GALK2: variants seen among roughly 807,000 people sequenced by gnomAD.
GALK2 encodes galactokinase 2.
In GALK2, 36 loss-of-function variants were observed where a neutral mutation model predicts 52.4. That is an observed-to-expected ratio of 0.69 (90% CI 0.53 to 0.91). The LOEUF (loss-of-function observed/expected upper bound fraction) is 0.91, where lower values mean the gene tolerates loss of function less well. Ranked by LOEUF, GALK2 falls within the 40% of genes least tolerant of loss-of-function variation. GALK2 has a pLI of 0.00. For synonymous variants in GALK2, 176 were observed against 199.1 expected, an observed-to-expected ratio of 0.88 and a Z score of 0.98; for missense variants, 579 against 559.1, an observed-to-expected ratio of 1.04 and a Z score of -0.36.
intron 5 of GALK2, 56 bp downstream of exon 5, chr15:49,239,423 C>G: frequency 2.0e-6 from 3 of 1,521,882 alleles, no homozygotes; most frequent in Non-Finnish European, 2.7e-6. Flanking sequence ...TCATTAGCAT[C>G]CAAATCTCAA....
chr15:49,301,038 G>T (rs1217460165), intron 8 of GALK2, among the ~76,000 whole-genome samples: 1 of 152,066 alleles, frequency 6.6e-6, no homozygotes, highest in Non-Finnish European at 1.5e-5. Context: ...GGCTTTGCTT[G>T]TCTGAAAAGG....
intron 1 of GALK2, among the ~76,000 whole-genome samples, chr15:49,176,563 T>C (rs910896171): frequency 5.9e-5 from 9 of 152,220 alleles, no homozygotes; most frequent in Non-Finnish European, 1.2e-4. Context: ...ATTTGTTTCT[T>C]ATTTGGATTT....
At chr15:49,277,226 T>C (rs1333171622) in intron 5 of GALK2, among the ~76,000 whole-genome samples, 1 of 110,756 alleles carries the variant, frequency 9.0e-6, no homozygotes, top group Non-Finnish European at 1.8e-5. Flanking sequence ...TGGAGTGCAG[T>C]GGCGGGATCT....
intron 2 of GALK2, among the ~76,000 whole-genome samples, chr15:49,206,670 T>C (rs1260786041): frequency 1.3e-5 from 2 of 152,178 alleles, no homozygotes; most frequent in African/African-American, 4.8e-5. Context: ...AAGAGCTATA[T>C]TTGTGTACAT....
At chr15:49,263,665 C>T (rs1205150300) in intron 5 of GALK2, among the ~76,000 whole-genome samples, 3 of 128,140 alleles carry the variant, frequency 2.3e-5, no homozygotes, top group South Asian at 2.9e-4. Context: ...TTCCTAGTCT[C>T]GATGGTCTTT....
intron 5 of GALK2, among the ~76,000 whole-genome samples, chr15:49,277,989 G>A (rs1487000295): frequency 1.3e-5 from 2 of 151,928 alleles, no homozygotes; most frequent in African/African-American, 4.8e-5. Context: ...AGGGCTGGGT[G>A]CGGTGGCTCA....
At chr15:49,272,464 G>A (rs926395012) in intron 5 of GALK2, among the ~76,000 whole-genome samples, 2 of 152,196 alleles carry the variant, frequency 1.3e-5, no homozygotes, top group African/African-American at 4.8e-5. Context: ...TTAAGTTGCA[G>A]ATTCTGATTC....
chr15:49,228,300 TA>T (rs1251256562), intron 3 of GALK2, among the ~76,000 whole-genome samples: 1 of 152,118 alleles, frequency 6.6e-6, no homozygotes, highest in Non-Finnish European at 1.5e-5. Flanking sequence ...ATTATTTTGT[TA>T]AGTAGGTTTT....
Position 49,328,712 on chromosome 15 carries a change from T to A in GALK2, c.*553T>A. ...ATACATGATTAAAGTTTCACAGATC[T>A]TCTTGGACATTGTATAATTGAATTT... On this transcript the variant is annotated 3_prime_UTR_variant, in exon 10 of 10. Transcript: ENST00000560031. 2 of 1,545,222 alleles carry A rather than the reference T, an allele frequency of 1.3e-6. No homozygotes were observed. The highest frequency in any genetic ancestry group is 2.4e-5 in the South Asian group (2 of 82,912).
At chr15:49,173,488 C>A (rs905943674) in intron 1 of GALK2, among the ~76,000 whole-genome samples, 4 of 152,030 alleles carry the variant, frequency 2.6e-5, no homozygotes, top group Non-Finnish European at 2.9e-5. Context: ...GCCTGAAAAT[C>A]CCACAGTTTC....
chr15:49,335,226 C>T (rs887990283), downstream of GALK2, among the ~76,000 whole-genome samples: 1 of 152,192 alleles, frequency 6.6e-6, no homozygotes, highest in African/African-American at 2.4e-5. Context: ...TCTTCTGTCC[C>T]TCTCACTTGC....
chr15:49,180,833 T>C (rs2085900935), intron 1 of GALK2, among the ~76,000 whole-genome samples: 1 of 152,206 alleles, frequency 6.6e-6, no homozygotes, highest in Non-Finnish European at 1.5e-5. Flanking sequence ...ATTACCTCTT[T>C]GGGGATCCTT....
intron 1 of GALK2, among the ~76,000 whole-genome samples, chr15:49,179,279 T>G (rs1156793239): frequency 6.6e-6 from 1 of 152,196 alleles, no homozygotes; most frequent in East Asian, 1.9e-4. Context: ...AGTTCTAGTA[T>G]TAGCCTCAGT....
chr15:49,185,411 T>C (rs753582568), intron 1 of GALK2, among the ~76,000 whole-genome samples: 12 of 152,238 alleles, frequency 7.9e-5, no homozygotes, highest in Non-Finnish European at 1.8e-4. Context: ...TCCATGTCTT[T>C]CTTATTGTGA....
chr15:49,157,394 C>G (rs2141142478), intron 1 of GALK2, among the ~76,000 whole-genome samples: 1 of 152,110 alleles, frequency 6.6e-6, no homozygotes, highest in African/African-American at 2.4e-5. Context: ...AATTACTACC[C>G]CAGGGAATAA....
intron 1 of GALK2, chr15:49,178,558 T>A: frequency 4.0e-6 from 1 of 250,776 alleles, no homozygotes; most frequent in Non-Finnish European, 8.0e-6. Context: ...GAATCCTATA[T>A]ATAACGTAAA....
downstream of GALK2, among the ~76,000 whole-genome samples, chr15:49,335,962 T>A (rs1276724502): frequency 6.6e-6 from 1 of 152,102 alleles, no homozygotes; most frequent in Non-Finnish European, 1.5e-5. Context: ...AAAGGAATCC[T>A]CCTGCCTCAG....
At position 49,328,789 on chromosome 15, in the gene GALK2, T is replaced by G. The variant is rs2151119634; in HGVS notation, c.*630T>G. On this transcript the variant is annotated 3_prime_UTR_variant, in exon 10 of 10. Transcript: ENST00000560031. ...GAGACTAAGGATTTTTTTTTTTTTT[T>G]GACAAAAGGAGGATACAGGAAGAAA... 1 of 1,161,526 alleles carries G rather than the reference T, an allele frequency of 8.6e-7. No homozygotes were observed. Among genetic ancestry groups the G allele is most frequent in the South Asian group, 1.8e-5 (1 of 54,180 alleles). 72.0% of individuals were successfully genotyped at this position (1,161,526 alleles called of 1,614,324 possible). A position where few individuals can be genotyped will look rare whatever the true frequency, so the allele number is the denominator to read the frequency against.
At chr15:49,177,078 G>A (rs571471351) in intron 1 of GALK2, among the ~76,000 whole-genome samples, 1 of 151,602 alleles carries the variant, frequency 6.6e-6, no homozygotes, top group African/African-American at 2.4e-5. Flanking sequence ...ATTTATGTTT[G>A]TCTATTATTT....
Sources: allele counts gnomAD v4.1 joint callset (sites outside exome capture counted in the v4.1 genomes callset), GRCh38; gene constraint gnomAD v4.1.1; transcripts MANE v1.5; gene names NCBI Gene and HGNC (gene_info 2026-07-23, HGNC 2026-07-21).